Variants in ABI2 observed in about 807,000 individuals in gnomAD.
ABI2 encodes the protein abelson interactor 2.
ABI2 carries 25 observed loss-of-function variants against 59.2 expected under a neutral mutation model. The ratio of observed to expected loss-of-function variants is 0.42; its 90% confidence interval spans 0.31 to 0.59. ABI2 has a LOEUF of 0.59. Among genes scored for constraint, ABI2 ranks in the 20% least tolerant of loss-of-function variants. The pLI is 0.14. For synonymous variants in ABI2, 213 were observed against 235.5 expected (o/e 0.90, Z 0.87); for missense variants, 545 against 681.8 (o/e 0.80, Z 2.23).
chr2:203,380,572 A>G (rs2096055644), intron 3 of ABI2, among the ~76,000 whole-genome samples, 188 bp downstream of exon 3: 1 of 152,170 alleles, frequency 6.6e-6, no homozygotes, highest in Non-Finnish European at 1.5e-5. Flanking sequence ...TGTATTCTCA[A>G]GTTTTAAACA....
chr2:203,409,473 C>G (rs1200533168), intron 9 of ABI2, among the ~76,000 whole-genome samples: 1 of 152,170 alleles, frequency 6.6e-6, no homozygotes, highest in Non-Finnish European at 1.5e-5. Flanking sequence ...ATCATTATCT[C>G]TCCCTGACTT....
chr2:203,417,145 GT>G, intron 11 of ABI2, 64 bp downstream of exon 11: 1 of 1,343,828 alleles, frequency 7.4e-7, no homozygotes, highest in Non-Finnish European at 9.9e-7. Context: ...GAAATTTGCG[GT>G]ACTGAAGAGA....
intron 11 of ABI2, among the ~76,000 whole-genome samples, chr2:203,425,745 G>T (rs953510317): frequency 6.6e-6 from 1 of 152,118 alleles, no homozygotes; most frequent in African/African-American, 2.4e-5. Flanking sequence ...TTCTGACCAG[G>T]TGCAGGTGGC....
intron 2 of ABI2, among the ~76,000 whole-genome samples, chr2:203,379,140 T>C (rs182018995): frequency 6.6e-6 from 1 of 152,220 alleles, no homozygotes; most frequent in Non-Finnish European, 1.5e-5. Flanking sequence ...ATGTCTTATG[T>C]GAGCATTTAA....
At chr2:203,350,888 G>GTGTGTGTT (rs1486340005) in intron 1 of ABI2, among the ~76,000 whole-genome samples, 4 of 110,686 alleles carry the variant, frequency 3.6e-5, no homozygotes, top group Non-Finnish European at 8.3e-5. Flanking sequence ...GTGTGTGTGT[G>GTGTGTGTT]TGTGCGCGCG....
chr2:203,403,827 C>T (rs1439797003), intron 9 of ABI2, among the ~76,000 whole-genome samples: 1 of 145,868 alleles, frequency 6.9e-6, no homozygotes, highest in Middle Eastern at 3.4e-3. Flanking sequence ...TCTCTGATCA[C>T]TGCAATGCCT....
intron 1 of ABI2, among the ~76,000 whole-genome samples, chr2:203,345,468 G>A (rs189869810): frequency 6.6e-6 from 1 of 152,070 alleles, no homozygotes; most frequent in Non-Finnish European, 1.5e-5. Context: ...AACCAATTCC[G>A]GACACAATCT....
In ABI2 at chr2:203,374,748, TA is replaced by T. The variant is rs549399528; in HGVS notation, c.286-5452del. The T allele has an allele frequency of 4.4e-3, 1,874 of 422,826 alleles. 4 individuals are homozygous for T. Among genetic ancestry groups the T allele is most frequent in the Non-Finnish European group, 7.2e-3 (1,442 of 201,516 alleles). The allele number at this position is 422,826 out of a possible 1,614,324, so 26.2% of individuals were successfully genotyped here. ...TTTATTTGAAACATTAGCTTACTAA[TA>T]AAAAAAATTGAGACATATTTAAAAA... is the stretch of plus-strand genomic sequence containing the variant. On this transcript the variant is annotated intron_variant, in intron 2 of 11. Coordinates refer to ENST00000261018, the MANE Select transcript of ABI2 (RefSeq NM_001375670.1).
intron 1 of ABI2, among the ~76,000 whole-genome samples, chr2:203,346,304 T>A (rs2083490362): frequency 1.3e-5 from 2 of 152,224 alleles, no homozygotes; most frequent in Non-Finnish European, 2.9e-5. Context: ...ATTTGGTATC[T>A]TTTTCAGGTT....
At chr2:203,384,306 T>TG (rs2096347256) in intron 4 of ABI2, among the ~76,000 whole-genome samples, 5 of 138,378 alleles carry the variant, frequency 3.6e-5, no homozygotes, top group South Asian at 2.2e-4. Context: ...TTTTTTTTTT[T>TG]TTTTTTTTTT....
At chr2:203,365,479 A>G (rs995571554) in intron 1 of ABI2, among the ~76,000 whole-genome samples, 3 of 152,168 alleles carry the variant, frequency 2.0e-5, no homozygotes, top group Non-Finnish European at 4.4e-5. Flanking sequence ...CTACAAATGT[A>G]GCAGAACTTG....
At chr2:203,405,279 A>AT (rs919745898) in intron 9 of ABI2, among the ~76,000 whole-genome samples, 27 of 151,778 alleles carry the variant, frequency 1.8e-4, no homozygotes, top group Admixed American at 1.2e-3. Flanking sequence ...TTGTAAACTA[A>AT]TTTTTTTTTA....
At chr2:203,360,155 A>T (rs2093239356) in intron 1 of ABI2, among the ~76,000 whole-genome samples, 1 of 130,000 alleles carries the variant, frequency 7.7e-6, no homozygotes, top group South Asian at 2.8e-4. Flanking sequence ...ACTGCACTCT[A>T]GTCTGGGTGA....
chr2:203,368,726 T>C (rs1380527665), intron 2 of ABI2, among the ~76,000 whole-genome samples: 1 of 152,090 alleles, frequency 6.6e-6, no homozygotes, highest in East Asian at 1.9e-4. Context: ...AAAAAAAAAT[T>C]GGTGCGTTTT....
Position 203,380,385 on chromosome 2 carries a change from G to A in ABI2, c.462+1G>A. 1 of 1,505,298 alleles carries A rather than the reference G, an allele frequency of 6.6e-7. No individual in the cohort carries two copies. The highest frequency in any genetic ancestry group is 2.5e-5 in the East Asian group (1 of 39,972). The allele number at this position is 1,505,298 out of a possible 1,614,324, so 93.2% of individuals were successfully genotyped here. ...AGATGATATTGGACATGGAGTAAAGGTAGGTATAATTTTTTTCAAGCTTTT... is the reference window on the plus strand; with the variant it reads ...AGATGATATTGGACATGGAGTAAAGATAGGTATAATTTTTTTCAAGCTTTT... On this transcript the variant is annotated splice_donor_variant, in intron 3 of 11. Coordinates refer to ENST00000261018, the MANE Select transcript of ABI2 (RefSeq NM_001375670.1). LOFTEE classifies it high-confidence loss of function.
At chr2:203,349,110 T>C (rs959008492) in intron 1 of ABI2, among the ~76,000 whole-genome samples, 2 of 151,810 alleles carry the variant, frequency 1.3e-5, no homozygotes, top group Non-Finnish European at 2.9e-5. Context: ...TTTTTTTTTT[T>C]GTATTTTTTT....
chr2:203,339,533 A>G (rs910277541), intron 1 of ABI2, among the ~76,000 whole-genome samples: 1 of 149,274 alleles, frequency 6.7e-6, no homozygotes, highest in Non-Finnish European at 1.5e-5. Context: ...GTGAGCCGAG[A>G]TTGCGCCACT....
intron 11 of ABI2, among the ~76,000 whole-genome samples, chr2:203,423,707 C>T (rs923502511): frequency 6.6e-6 from 1 of 152,138 alleles, no homozygotes; most frequent in African/African-American, 2.4e-5. Flanking sequence ...AGGCGTGAGC[C>T]ACCGCGCCCA....
chr2:203,392,310 ACCAC>A (rs1559312980), intron 5 of ABI2, among the ~76,000 whole-genome samples: 21 of 74,154 alleles, frequency 2.8e-4, no homozygotes, highest in East Asian at 8.3e-4. Context: ...CACCACCACC[ACCAC>A]CAACAACAAC....
Sources: allele counts gnomAD v4.1 joint callset (sites outside exome capture counted in the v4.1 genomes callset), GRCh38; gene constraint gnomAD v4.1.1; transcripts MANE v1.5; gene names NCBI Gene and HGNC (gene_info 2026-07-23, HGNC 2026-07-21).